The following TGFBR2 variants were observed in gnomAD, a reference collection of about 807,000 sequenced individuals.
TGFBR2 encodes the protein transforming growth factor beta receptor 2, also known as TGF-beta receptor type-2.
In TGFBR2, 18 loss-of-function variants were observed where a neutral mutation model predicts 49.0. The ratio of observed to expected loss-of-function variants is 0.37; its 90% CI spans 0.25 to 0.54. The LOEUF (loss-of-function observed/expected upper bound fraction) is 0.54. TGFBR2 is among the 20% of genes least tolerant of loss of function. The pLI, the probability that TGFBR2 is intolerant of heterozygous loss-of-function variation, is 0.85. For missense variants in TGFBR2, 525 were observed against 722.6 expected, an observed-to-expected ratio of 0.73 and a Z score of 3.13; for synonymous variants, 282 against 275.9, an observed-to-expected ratio of 1.02 and a Z score of -0.22.
chr3:30,675,281 T>A (rs923376450), intron 5 of TGFBR2, among the ~76,000 whole-genome samples: 3 of 152,214 alleles, frequency 2.0e-5, no homozygotes, highest in Admixed American at 6.5e-5. Flanking sequence ...TGTGTTTCTA[T>A]TCATGTCCTT....
chr3:30,656,482 T>A (rs1699002011), intron 3 of TGFBR2, among the ~76,000 whole-genome samples: 1 of 152,238 alleles, frequency 6.6e-6, no homozygotes, highest in South Asian at 2.1e-4. Context: ...ACTGGATCAA[T>A]GAAGGAGATG....
intron 1 of TGFBR2, among the ~76,000 whole-genome samples, chr3:30,628,530 T>TG (rs1698377977): frequency 1.7e-5 from 2 of 115,080 alleles, no homozygotes; most frequent in African/African-American, 7.9e-5. Context: ...GCCTGTGGGT[T>TG]TTTTTTTTTT....
intron 1 of TGFBR2, among the ~76,000 whole-genome samples, chr3:30,636,679 C>G (rs1423138779): frequency 6.6e-6 from 1 of 151,944 alleles, no homozygotes; most frequent in Non-Finnish European, 1.5e-5. Context: ...ATTCTCATGT[C>G]CTTGCATCTA....
intron 1 of TGFBR2, among the ~76,000 whole-genome samples, chr3:30,617,251 G>A (rs533612844): frequency 1.1e-4 from 16 of 152,274 alleles, no homozygotes; most frequent in Middle Eastern, 6.8e-3. Context: ...ACCTCTAATT[G>A]CATTTCTGTA....
chr3:30,681,443 T>C (rs535661027), intron 5 of TGFBR2, among the ~76,000 whole-genome samples: 1 of 152,096 alleles, frequency 6.6e-6, no homozygotes, highest in South Asian at 2.1e-4. Context: ...TTCCGAGGAA[T>C]ACCATTGCTG....
chr3:30,690,310 A>G (rs1246175068), intron 6 of TGFBR2, among the ~76,000 whole-genome samples: 2 of 152,250 alleles, frequency 1.3e-5, no homozygotes, highest in Admixed American at 6.5e-5. Flanking sequence ...TGCAATGCAA[A>G]ATAAAAATTA....
At chr3:30,666,639 C>CA (rs2125428102) in intron 3 of TGFBR2, among the ~76,000 whole-genome samples, 1 of 135,368 alleles carries the variant, frequency 7.4e-6, no homozygotes, top group South Asian at 2.8e-4. Context: ...CCTACCCCCC[C>CA]ATCCCCGCCC....
Position 30,606,969 on chromosome 3 carries a change from A to G in TGFBR2, c.86A>G (p.Gln29Arg). 6.3e-7 allele frequency: 1 copy of G among 1,597,784 alleles called. No individual in the cohort carries two copies. The highest frequency in any genetic ancestry group is 8.5e-7 in the Non-Finnish European group (1 of 1,172,480). Residue 29 changes from glutamine to arginine, a missense_variant, in exon 1 of 7, where the codon CAG becomes CGG. Gln to Arg is a conservative substitution (Grantham distance 43). This residue lies in a region of TGFBR2 where 376 missense variants were observed against 478.2 expected (regional missense o/e 0.79). Coordinates refer to ENST00000295754, the MANE Select transcript of TGFBR2 (RefSeq NM_003242.6). ...RIASTIPPHV[Q>R]KSVNNDMIVT... Reference sequence around the variant, plus strand: ...GCCAGCACGATCCCACCGCACGTTCAGAAGTCGGGTGAGTGGTCCCCAGCC... The same window carrying G: ...GCCAGCACGATCCCACCGCACGTTCGGAAGTCGGGTGAGTGGTCCCCAGCC...
Position 30,672,196 on chromosome 3 carries a change from C to A in TGFBR2, c.1013C>A (p.Thr338Lys), listed in dbSNP as rs752866783. Reference sequence around the variant, plus strand: ...AAGGGCAACCTACAGGAGTACCTGACGCGGCATGTCATCAGCTGGGAGGAC... The same window carrying A: ...AAGGGCAACCTACAGGAGTACCTGAAGCGGCATGTCATCAGCTGGGAGGAC... ...HAKGNLQEYLTRHVISWEDLR... is the reference protein window; with the variant it reads ...HAKGNLQEYLKRHVISWEDLR... Residue 338 changes from threonine to lysine, a missense_variant, in exon 4 of 7, where the codon ACG (threonine) becomes AAG (lysine). Coordinates refer to ENST00000295754, the MANE Select transcript of TGFBR2 (RefSeq NM_003242.6). This position sits in a 1 kb window ranked among gnomAD's most constrained non-coding sequence, Gnocchi z 4.5. The A allele has an allele frequency of 4.3e-6, 7 of 1,612,256 alleles. No individual in the cohort carries two copies. The highest frequency in any genetic ancestry group is 5.9e-6 in the Non-Finnish European group (7 of 1,178,334).
chr3:30,693,909 T>C lies in TGFBR2; in HGVS notation c.*2310T>C, dbSNP rs1416587256. ...TAGTTCCTAAAAATACTGACTTTTT[T>C]CACTACTATACATAAAGGGAAAGTT... On this transcript the variant is annotated 3_prime_UTR_variant, in exon 7 of 7. Transcript: ENST00000295754. 8.6e-6 allele frequency: 2 copies of C among 232,230 alleles called. No individual in the cohort carries two copies. Among genetic ancestry groups the C allele is most frequent in the African/African-American group, 4.4e-5 (2 of 45,258 alleles). The allele number at this position is 232,230 out of a possible 1,614,324, so 14.4% of individuals were successfully genotyped here.
At position 30,676,192 on chromosome 3, in the gene TGFBR2, A is replaced by G. The variant is rs1699435132; in HGVS notation, c.1396+1946A>G. Among the ~76,000 whole-genome samples the G allele has an allele frequency of 6.6e-6, 1 of 152,238 alleles. No homozygotes were observed. The highest frequency in any genetic ancestry group is 1.5e-5 in the Non-Finnish European group (1 of 68,042). On this transcript the variant is annotated intron_variant, in intron 5 of 6. Coordinates refer to ENST00000295754, the MANE Select transcript of TGFBR2 (RefSeq NM_003242.6). The surrounding 1 kb of genome is among the most constrained non-coding windows in gnomAD (Gnocchi z 4.3). ...GAATAAGATGTCCATGTGTCTGGTT[A>G]TTAATGTTAAATTTGGTCCTTTGGT...
chr3:30,631,214 G>A (rs148152916), intron 1 of TGFBR2, among the ~76,000 whole-genome samples: 190 of 151,960 alleles, frequency 1.3e-3, no homozygotes, highest in Middle Eastern at 3.4e-3. Flanking sequence ...GCTAATTTTT[G>A]TATTTTTAGT....
chr3:30,643,245 T>C lies in TGFBR2; in HGVS notation c.95-1502T>C, dbSNP rs17838696. Among the ~76,000 whole-genome samples, 711 of 152,324 alleles carry C rather than the reference T, an allele frequency of 4.7e-3. 3 individuals are homozygous for C. The highest frequency in any genetic ancestry group is 0.016 in the African/African-American group (678 of 41,572). On this transcript the variant is annotated intron_variant, in intron 1 of 6. Coordinates refer to ENST00000295754, the MANE Select transcript of TGFBR2 (RefSeq NM_003242.6). ...CTCTAAGGGTTATGCCTTGGAAAAG[T>C]ACCTCACAACTTTCTGTGGCCCAGC...
chr3:30,651,973 C>T (rs769134914), intron 3 of TGFBR2, among the ~76,000 whole-genome samples: 43 of 152,202 alleles, frequency 2.8e-4, no homozygotes, highest in Non-Finnish European at 5.4e-4. Flanking sequence ...GTGCATTCCA[C>T]CTGCGAGAAG....
intron 3 of TGFBR2, among the ~76,000 whole-genome samples, chr3:30,654,533 C>G (rs372065322): frequency 6.6e-6 from 1 of 152,164 alleles, no homozygotes; most frequent in East Asian, 1.9e-4. Flanking sequence ...CTCCCAGTCT[C>G]TGAAGATTCC....
At chr3:30,624,548 G>A (rs920605534) in intron 1 of TGFBR2, among the ~76,000 whole-genome samples, 4 of 151,884 alleles carry the variant, frequency 2.6e-5, no homozygotes, top group East Asian at 1.9e-4. Flanking sequence ...CCTGGGAGGC[G>A]GAGGTTGCAG....
intron 1 of TGFBR2, among the ~76,000 whole-genome samples, chr3:30,613,427 T>C (rs986354309): frequency 2.0e-5 from 3 of 152,142 alleles, no homozygotes; most frequent in Non-Finnish European, 4.4e-5. Context: ...CATGGATCCT[T>C]GAAGCCATCT....
intron 1 of TGFBR2, 141 bp downstream of exon 1, chr3:30,607,118 A>G (rs1697937721): frequency 3.0e-6 from 2 of 665,254 alleles, no homozygotes; most frequent in Admixed American, 5.3e-5. Context: ...ACACTCACGC[A>G]GCCCGACTCC....
Position 30,676,977 on chromosome 3 carries a change from C to T in TGFBR2, c.1396+2731C>T, listed in dbSNP as rs953142271. 2.6e-5 allele frequency among the ~76,000 whole-genome samples: 4 copies of T among 152,100 alleles called. No homozygotes were observed. Among genetic ancestry groups the T allele is most frequent in the African/African-American group, 7.2e-5 (3 of 41,412 alleles). On this transcript the variant is annotated intron_variant, in intron 5 of 6. Coordinates refer to ENST00000295754, the MANE Select transcript of TGFBR2 (RefSeq NM_003242.6). The surrounding 1 kb of genome is among the most constrained non-coding windows in gnomAD (Gnocchi z 4.3). ...GACAGTTCCAAAATGAATCTTTAGCCGGGTATGAGTTGTATCAGAGACAAT... is the reference window on the plus strand; with the variant it reads ...GACAGTTCCAAAATGAATCTTTAGCTGGGTATGAGTTGTATCAGAGACAAT...
Sources: allele counts gnomAD v4.1 joint callset (sites outside exome capture counted in the v4.1 genomes callset), GRCh38; gene constraint gnomAD v4.1.1; regional missense constraint gnomAD v4.1.1; non-coding constraint Gnocchi (gnomAD v3.1); transcripts MANE v1.5; gene names NCBI Gene and HGNC (gene_info 2026-07-23, HGNC 2026-07-21).